The following TEX51 variants were observed in gnomAD, a reference collection of about 807,000 sequenced individuals.
The protein encoded by TEX51 is testis expressed 51.
In TEX51, 14 loss-of-function variants were observed where a neutral mutation model predicts 8.0. That is an observed-to-expected ratio of 1.76 (90% CI 1.16 to 2.75). The LOEUF (loss-of-function observed/expected upper bound fraction) is 2.75, where lower values mean the gene tolerates loss of function less well. Among genes scored for constraint, TEX51 ranks in the 30% most tolerant of loss-of-function variants. The pLI is 0.00. For synonymous variants in TEX51, 58 were observed against 28.6 expected, an observed-to-expected ratio of 2.03 and a Z score of -3.29; for missense variants, 142 against 77.4, an observed-to-expected ratio of 1.83 and a Z score of -3.13.
At position 126,901,196 on chromosome 2, in the gene TEX51, C is replaced by T. The variant is rs901395276; in HGVS notation, c.395-14C>T. ...CTGGCCTCCAAACACCTGGCTTCCT[C>T]TTTCACACCCCAGCCAGGAACCGGC... On this transcript the variant is annotated splice_polypyrimidine_tract_variant and intron_variant, in intron 4 of 6. Transcript: ENST00000568484. The T allele has an allele frequency of 3.2e-6, 2 of 629,366 alleles. No individual in the cohort carries two copies. The highest frequency in any genetic ancestry group is 1.8e-5 in the African/African-American group (1 of 55,288). The allele number at this position is 629,366 out of a possible 1,614,324, so 39.0% of individuals were successfully genotyped here.
intron 2 of TEX51, 96 bp from the exon 3 acceptor site, chr2:126,899,427 G>A (rs1019979054): frequency 1.3e-5 from 9 of 680,440 alleles, no homozygotes; most frequent in Admixed American, 4.1e-5. Context: ...CTGTCTCCGT[G>A]TGCTCTTTGG....
In TEX51 at chr2:126,901,401, A is replaced by G. The variant is rs1462883968; in HGVS notation, c.500A>G (p.Ter167=). 2.8e-6 allele frequency: 2 copies of G among 702,244 alleles called. No homozygotes were observed. The highest frequency in any genetic ancestry group is 1.7e-5 in the African/African-American group (1 of 57,248). The allele number at this position is 702,244 out of a possible 1,614,324, so 43.5% of individuals were successfully genotyped here. Residue 167 remains the stop codon, a stop_retained_variant, in exon 6 of 7, where the codon TAA becomes TGA. Coordinates refer to ENST00000568484, the MANE Select transcript of TEX51 (RefSeq NM_001322244.2). ...ACTGGCAAAGGAAGAAGGAGGCAGT[A>G]AAGGTACTGGGAAAGGAGACCCCGA... ...SFTGKGRRRQ[*] is the part of the protein sequence containing the mutation.
intron 3 of TEX51, 140 bp from the exon 4 acceptor site, chr2:126,899,796 C>T: frequency 1.4e-6 from 1 of 702,248 alleles, no homozygotes; most frequent in Admixed American, 2.0e-5. Flanking sequence ...TCTGCCTCCC[C>T]AGCACCTCAG....
chr2:126,899,500 C>T (rs1452850754), intron 2 of TEX51, 23 bp from the exon 3 acceptor site: 1 of 695,652 alleles, frequency 1.4e-6, no homozygotes, highest in Non-Finnish European at 2.6e-6. Flanking sequence ...CCCTGAACAC[C>T]CCTTCCCTCC....
chr2:126,899,246 A>G lies in TEX51; in HGVS notation c.175A>G (p.Lys59Glu), dbSNP rs1330345419. 1.4e-6 allele frequency: 1 copy of G among 702,038 alleles called. No homozygotes were observed. Among genetic ancestry groups the G allele is most frequent in the Non-Finnish European group, 2.6e-6 (1 of 384,782 alleles). 43.5% of individuals were successfully genotyped at this position (702,038 alleles called of 1,614,324 possible). The change falls in exon 2 of 7, where the codon AAA (lysine) becomes GAA (glutamate). Residue 59 changes from lysine to glutamate, a missense_variant. By Grantham distance (56) the Lys-to-Glu change is moderately conservative (BLOSUM62 1). Coordinates refer to ENST00000568484, the MANE Select transcript of TEX51 (RefSeq NM_001322244.2). Reference protein sequence around the residue: ...NRDHLEEETAKFFTQVHQAIK... With the variant: ...NRDHLEEETAEFFTQVHQAIK... The stretch of plus-strand genomic sequence containing the variant: ...TGACCATTTGGAAGAAGAAACAGCC[A>G]AATTCTTCACTCAAGTACACCAAGC...
In TEX51 at chr2:126,899,626, A is replaced by G. The variant is rs1217293474; in HGVS notation, c.310+14A>G. 1.0e-5 allele frequency: 7 copies of G among 700,110 alleles called. No individual in the cohort carries two copies. Among genetic ancestry groups the G allele is most frequent in the Admixed American group, 2.0e-5 (1 of 49,916 alleles). 43.4% of individuals were successfully genotyped at this position (700,110 alleles called of 1,614,324 possible). A position where few individuals can be genotyped will look rare whatever the true frequency, so the allele number is the denominator to read the frequency against. ...TGAAGGAGAAGGGTAAGGGGTGGGG[A>G]CGATCCCTGCACACGGCCCAGCCCT... On this transcript the variant is annotated intron_variant, in intron 3 of 6. Coordinates refer to ENST00000568484, the MANE Select transcript of TEX51 (RefSeq NM_001322244.2).
rs1437039617 is a variant in TEX51 at position 126,901,282 on chromosome 2, G to A, written c.463+4G>A. On this transcript the variant is annotated splice_donor_region_variant and intron_variant, in intron 5 of 6. Coordinates refer to ENST00000568484, the MANE Select transcript of TEX51 (RefSeq NM_001322244.2). ...CTACTCCTGGCCATAGCTGGAGGTGGGTGAGTGACCTCTCCAAGCCCCAGC... is the reference window on the plus strand; with the variant it reads ...CTACTCCTGGCCATAGCTGGAGGTGAGTGAGTGACCTCTCCAAGCCCCAGC... The A allele has an allele frequency of 2.9e-6, 2 of 699,730 alleles. No individual in the cohort carries two copies. Among genetic ancestry groups the A allele is most frequent in the East Asian group, 5.4e-5 (2 of 37,242 alleles). The allele number at this position is 699,730 out of a possible 1,614,324, so 43.3% of individuals were successfully genotyped here. A position where few individuals can be genotyped will look rare whatever the true frequency, so the allele number is the denominator to read the frequency against.
At chr2:126,900,404 AAAAG>A (rs1680266393) in intron 4 of TEX51, among the ~76,000 whole-genome samples, 1 of 151,918 alleles carries the variant, frequency 6.6e-6, no homozygotes, top group Middle Eastern at 3.4e-3. Context: ...AAAAAAAAAA[AAAAG>A]AAAGAAAAAA....
intron 1 of TEX51, 36 bp downstream of exon 1, chr2:126,899,099 C>T (rs1318261901): frequency 1.4e-6 from 1 of 701,286 alleles, no homozygotes; most frequent in Non-Finnish European, 2.6e-6. Flanking sequence ...TAATAATTTT[C>T]TCAAACCCTG....
In TEX51 at chr2:126,901,311, C is replaced by T. The variant is rs1236281494; in HGVS notation, c.463+33C>T. ...AGTGACCTCTCCAAGCCCCAGCATC[C>T]CCAGGGAAGACACACCTATTCCCTG... On this transcript the variant is annotated intron_variant, in intron 5 of 6. Coordinates refer to ENST00000568484, the MANE Select transcript of TEX51 (RefSeq NM_001322244.2). The T allele has an allele frequency of 1.1e-5, 8 of 701,616 alleles. No individual in the cohort carries two copies. In the African/African-American group the frequency reaches 1.2e-4, roughly 11 times the overall value. The allele number at this position is 701,616 out of a possible 1,614,324, so 43.5% of individuals were successfully genotyped here.
chr2:126,900,869 G>C (rs1272101490), intron 4 of TEX51, among the ~76,000 whole-genome samples: 1 of 152,172 alleles, frequency 6.6e-6, no homozygotes, highest in African/African-American at 2.4e-5. Context: ...CCTGTGCCGG[G>C]GACACAGCCT....
chr2:126,901,111 A>T, intron 4 of TEX51, 99 bp from the exon 5 acceptor site: 1 of 597,302 alleles, frequency 1.7e-6, no homozygotes, highest in South Asian at 2.0e-5. Context: ...ACACATCATG[A>T]GTGAACGAAT....
chr2:126,901,350 T>A lies in TEX51; in HGVS notation c.464-15T>A. The A allele has an allele frequency of 1.4e-6, 1 of 702,294 alleles. No homozygotes were observed. The highest frequency in any genetic ancestry group is 1.5e-5 in the South Asian group (1 of 67,574). The allele number at this position is 702,294 out of a possible 1,614,324, so 43.5% of individuals were successfully genotyped here. A position where few individuals can be genotyped will look rare whatever the true frequency, so the allele number is the denominator to read the frequency against. On this transcript the variant is annotated splice_polypyrimidine_tract_variant and intron_variant, in intron 5 of 6. Coordinates refer to ENST00000568484, the MANE Select transcript of TEX51 (RefSeq NM_001322244.2). Reference sequence around the variant, plus strand: ...ACCTATTCCCTGACTGACTCCACCCTGTTTCTTGGCCCAGATGTTTCTTTT... The same window carrying A: ...ACCTATTCCCTGACTGACTCCACCCAGTTTCTTGGCCCAGATGTTTCTTTT...
Position 126,900,028 on chromosome 2 carries a change from C to A in TEX51, c.394+9C>A. The A allele has an allele frequency of 1.4e-6, 1 of 700,606 alleles. No individual in the cohort carries two copies. The highest frequency in any genetic ancestry group is 2.6e-6 in the Non-Finnish European group (1 of 384,810). 43.4% of individuals were successfully genotyped at this position (700,606 alleles called of 1,614,324 possible). Reference sequence around the variant, plus strand: ...CCCCACTTTCTGCCCAGGTCAGTGGCCACCACCCTGTCCAGCCTCTCCCCT... The same window carrying A: ...CCCCACTTTCTGCCCAGGTCAGTGGACACCACCCTGTCCAGCCTCTCCCCT... On this transcript the variant is annotated intron_variant, in intron 4 of 6. Transcript: ENST00000568484.
Position 126,899,569 on chromosome 2 carries a change from T to C in TEX51, c.267T>C (p.Phe89=). 4.3e-6 allele frequency: 3 copies of C among 702,218 alleles called. No homozygotes were observed. Among genetic ancestry groups the C allele is most frequent in the South Asian group, 3.0e-5 (2 of 67,580 alleles). The allele number at this position is 702,218 out of a possible 1,614,324, so 43.5% of individuals were successfully genotyped here. A position where few individuals can be genotyped will look rare whatever the true frequency, so the allele number is the denominator to read the frequency against. ...AGATCTACACGCACAAGAATCTCTT[T>C]ACTGAGAGGCTGAATAAGATATCTG... ...LEEIYTHKNL[F]TERLNKISDG... is the part of the protein sequence containing the mutation. Residue 89 remains phenylalanine, a synonymous_variant, in exon 3 of 7, where the codon TTT becomes TTC. Coordinates refer to ENST00000568484, the MANE Select transcript of TEX51 (RefSeq NM_001322244.2).
In TEX51 at chr2:126,902,034, G is replaced by A. The variant is rs185165799; in HGVS notation, c.*165G>A. 32 of 512,168 alleles carry A rather than the reference G, an allele frequency of 6.2e-5. No homozygotes were observed. The highest frequency in any genetic ancestry group is 1.7e-4 in the East Asian group (5 of 29,212). The allele number at this position is 512,168 out of a possible 1,614,324, so 31.7% of individuals were successfully genotyped here. On this transcript the variant is annotated 3_prime_UTR_variant, in exon 7 of 7. Coordinates refer to ENST00000568484, the MANE Select transcript of TEX51 (RefSeq NM_001322244.2). ...GAGGCCTAGGAGACTGCGCTGTCTC[G>A]TGGTTTGCCTACTCCTACACCTTTG...
chr2:126,901,297 C>A lies in TEX51; in HGVS notation c.463+19C>A, dbSNP rs1680317367. On this transcript the variant is annotated intron_variant, in intron 5 of 6. Coordinates refer to ENST00000568484, the MANE Select transcript of TEX51 (RefSeq NM_001322244.2). ...GCTGGAGGTGGGTGAGTGACCTCTC[C>A]AAGCCCCAGCATCCCCAGGGAAGAC... is the stretch of plus-strand genomic sequence containing the variant. 5.7e-6 allele frequency: 4 copies of A among 700,674 alleles called. No homozygotes were observed. The highest frequency in any genetic ancestry group is 4.0e-5 in the Admixed American group (2 of 49,904). 43.4% of individuals were successfully genotyped at this position (700,674 alleles called of 1,614,324 possible).
At chr2:126,901,324 C>A in intron 5 of TEX51, 41 bp from the exon 6 acceptor site, 1 of 701,990 alleles carries the variant, frequency 1.4e-6, no homozygotes. Context: ...AGGGAAGACA[C>A]ACCTATTCCC....
In TEX51 at chr2:126,899,225, C is replaced by T. The variant is rs753184359; in HGVS notation, c.154C>T (p.His52Tyr). 1 of 702,208 alleles carries T rather than the reference C, an allele frequency of 1.4e-6. No homozygotes were observed. 43.5% of individuals were successfully genotyped at this position (702,208 alleles called of 1,614,324 possible). A position where few individuals can be genotyped will look rare whatever the true frequency, so the allele number is the denominator to read the frequency against. The stretch of plus-strand genomic sequence containing the variant: ...CTGTATCTCATCCTCAGATCGTGAC[C>T]ATTTGGAAGAAGAAACAGCCAAATT... ...PPTELSQNRD[H>Y]LEEETAKFFT... The change falls in exon 2 of 7, where the codon CAT (histidine) becomes TAT (tyrosine). Residue 52 changes from histidine (H) to tyrosine (Y), a missense_variant. Transcript: ENST00000568484.
Sources: gnomAD v4.1 joint callset for allele counts (sites outside exome capture counted in the v4.1 genomes callset) on GRCh38, gnomAD v4.1.1 for gene constraint, MANE v1.5 for transcripts, NCBI Gene and HGNC (gene_info 2026-07-23, HGNC 2026-07-21) for gene names.